The following PDZRN3 variants were observed in gnomAD, a reference collection of about 807,000 sequenced individuals.
PDZRN3 encodes PDZ domain containing ring finger 3.
PDZRN3 carries 38 observed loss-of-function variants against 85.7 expected under a neutral mutation model. The observed-to-expected ratio is 0.44, with a 90% CI of 0.34 to 0.58. PDZRN3 has a LOEUF of 0.58. PDZRN3 is among the 20% of genes least tolerant of loss of function. The probability of loss-of-function intolerance (pLI) is 0.01; values close to 1 mark genes in which losing one functional copy is unlikely to be tolerated. For missense variants in PDZRN3, 1,629 were observed against 1,506.4 expected (o/e 1.08, Z -1.35); for synonymous variants, 759 against 638.0 (o/e 1.19, Z -2.86).
At chr3:73,566,291 A>G (rs1701949279) in intron 3 of PDZRN3, among the ~76,000 whole-genome samples, 1 of 152,226 alleles carries the variant, frequency 6.6e-6, no homozygotes, top group African/African-American at 2.4e-5. Flanking sequence ...GCAGGCTCAC[A>G]AGTCTTTAGA....
chr3:73,401,299 C>T (rs564943143), intron 4 of PDZRN3, among the ~76,000 whole-genome samples: 5 of 152,298 alleles, frequency 3.3e-5, no homozygotes, highest in East Asian at 1.9e-4. Flanking sequence ...CGTGATTCAG[C>T]GTGACTGATT....
In PDZRN3 at chr3:73,579,049, C is replaced by T. The variant is rs371684863; in HGVS notation, c.918+23305G>A. On this transcript the variant is annotated intron_variant, in intron 3 of 9. Coordinates refer to ENST00000263666, the MANE Select transcript of PDZRN3 (RefSeq NM_015009.3). ...TGAATGTTGGTGTCCCCATCAAATT[C>T]ATATGTTGGACTCTAATACCCAACG... 3.5e-4 allele frequency among the ~76,000 whole-genome samples: 53 copies of T among 152,192 alleles called. No individual in the cohort carries two copies. In the South Asian group the frequency reaches 0.011, roughly 30 times the overall value.
intron 2 of PDZRN3, among the ~76,000 whole-genome samples, chr3:73,603,517 A>G (rs1702547296): frequency 6.6e-6 from 1 of 152,240 alleles, no homozygotes; most frequent in African/African-American, 2.4e-5. Context: ...CAAGCATGTG[A>G]TATTTCCAAA....
rs755880707 is a variant in PDZRN3, at chr3:73,608,580, T to C, written c.810+18A>G. On this transcript the variant is annotated intron_variant, in intron 2 of 9. Transcript: ENST00000263666. ...CTACACCAGGAAAAGGAAAAACACA[T>C]TTTAGTAATTAACATACCACACTCG... 2 of 1,549,308 alleles carry C rather than the reference T, an allele frequency of 1.3e-6. No homozygotes were observed. Among genetic ancestry groups the C allele is most frequent in the South Asian group, 1.1e-5 (1 of 89,148 alleles).
chr3:73,491,773 A>AT (rs999096698), intron 3 of PDZRN3, among the ~76,000 whole-genome samples: 3 of 149,910 alleles, frequency 2.0e-5, no homozygotes, highest in African/African-American at 4.9e-5. Flanking sequence ...TATTTAACTT[A>AT]TTTTTTATAG....
At chr3:73,444,823 G>C (rs1474939382) in intron 3 of PDZRN3, among the ~76,000 whole-genome samples, 2 of 152,194 alleles carry the variant, frequency 1.3e-5, no homozygotes, top group Non-Finnish European at 2.9e-5. Flanking sequence ...GCTGGTTGTT[G>C]CAAGATGGAG....
chr3:73,442,029 T>C (rs2106823017), intron 3 of PDZRN3, among the ~76,000 whole-genome samples: 1 of 152,330 alleles, frequency 6.6e-6, no homozygotes, highest in East Asian at 1.9e-4. Context: ...CATGTGAATG[T>C]GACCAATGTA....
intron 3 of PDZRN3, among the ~76,000 whole-genome samples, chr3:73,416,455 G>A (rs539234021): frequency 6.6e-6 from 1 of 151,714 alleles, no homozygotes; most frequent in African/African-American, 2.4e-5. Context: ...TAGTCTTTCT[G>A]TAATGGGCTC....
At chr3:73,568,549 T>G (rs1701988580) in intron 3 of PDZRN3, among the ~76,000 whole-genome samples, 1 of 152,186 alleles carries the variant, frequency 6.6e-6, no homozygotes, top group African/African-American at 2.4e-5. Flanking sequence ...ATGTCATTAC[T>G]ATAATGATCA....
At chr3:73,516,434 A>G (rs1017176555) in intron 3 of PDZRN3, among the ~76,000 whole-genome samples, 1 of 152,150 alleles carries the variant, frequency 6.6e-6, no homozygotes, top group African/African-American at 2.4e-5. Flanking sequence ...GTATTTTCTT[A>G]ATTATGAATG....
At position 73,587,460 on chromosome 3, in the gene PDZRN3, G is replaced by A. The variant is rs143187942; in HGVS notation, c.918+14894C>T. Among the ~76,000 whole-genome samples the A allele has an allele frequency of 7.2e-5, 11 of 152,124 alleles. No homozygotes were observed. The East Asian group carries it at 1.2e-3, about 16-fold the overall frequency. ...TACATCTATGCTTAGGCCGCACGAC[G>A]GACAAATGTACATACAGTAAATAGC... On this transcript the variant is annotated intron_variant, in intron 3 of 9. Transcript: ENST00000263666.
At chr3:73,480,954 T>C (rs1047996205) in intron 3 of PDZRN3, among the ~76,000 whole-genome samples, 4 of 152,266 alleles carry the variant, frequency 2.6e-5, no homozygotes, top group Admixed American at 2.6e-4. Context: ...TTATATATAC[T>C]ATTCCATTTA....
intron 3 of PDZRN3, among the ~76,000 whole-genome samples, chr3:73,457,902 T>A (rs1289864955): frequency 6.6e-6 from 1 of 152,178 alleles, no homozygotes; most frequent in Non-Finnish European, 1.5e-5. Flanking sequence ...ATTCCCAGCC[T>A]CCAGAACTGC....
chr3:73,440,976 G>A (rs1013066325), intron 3 of PDZRN3, among the ~76,000 whole-genome samples: 3 of 152,198 alleles, frequency 2.0e-5, no homozygotes, highest in African/African-American at 7.2e-5. Flanking sequence ...CACAAACCAG[G>A]GGCGGAAAGC....
intron 3 of PDZRN3, among the ~76,000 whole-genome samples, chr3:73,464,289 G>A (rs1173441266): frequency 6.6e-6 from 1 of 152,032 alleles, no homozygotes; most frequent in Non-Finnish European, 1.5e-5. Flanking sequence ...CTGGCCCTGT[G>A]TATTCTTTAT....
chr3:73,443,371 G>A (rs1702680816), intron 3 of PDZRN3, among the ~76,000 whole-genome samples: 1 of 152,030 alleles, frequency 6.6e-6, no homozygotes, highest in Non-Finnish European at 1.5e-5. Context: ...TCCACATGGA[G>A]TCTTCCCACT....
chr3:73,487,406 C>G (rs1703683832), intron 3 of PDZRN3, among the ~76,000 whole-genome samples: 2 of 152,120 alleles, frequency 1.3e-5, no homozygotes, highest in Admixed American at 1.3e-4. Context: ...GGAACCTAGA[C>G]AGTCATTTTA....
At chr3:73,391,489 G>A (rs903745089) in intron 5 of PDZRN3, among the ~76,000 whole-genome samples, 5 of 152,272 alleles carry the variant, frequency 3.3e-5, no homozygotes, top group Admixed American at 6.5e-5. Flanking sequence ...CAGTACAAAT[G>A]TTTCCAATGT....
chr3:73,532,725 A>G (rs986533015), intron 3 of PDZRN3, among the ~76,000 whole-genome samples: 2 of 152,228 alleles, frequency 1.3e-5, no homozygotes, highest in African/African-American at 4.8e-5. Context: ...GACCTCGCAG[A>G]AAGAGCATGT....
Sources: allele counts gnomAD v4.1 joint callset (sites outside exome capture counted in the v4.1 genomes callset), GRCh38; gene constraint gnomAD v4.1.1; transcripts MANE v1.5; gene names NCBI Gene and HGNC (gene_info 2026-07-23, HGNC 2026-07-21).